The following DPP10 variants were observed in gnomAD, a reference collection of about 807,000 sequenced individuals.
The protein encoded by DPP10 is dipeptidyl peptidase like 10.
Under a neutral mutation model 120.9 loss-of-function variants are expected in DPP10, and 33 were observed. The ratio of observed to expected loss-of-function variants is 0.27; its 90% CI spans 0.21 to 0.37. The LOEUF (loss-of-function observed/expected upper bound fraction) is 0.37. DPP10 is among the 10% of genes least tolerant of loss of function. DPP10 has a pLI of 1.00. For synonymous variants in DPP10, 337 were observed against 326.1 expected (o/e 1.03, Z -0.36); for missense variants, 816 against 942.8 (o/e 0.87, Z 1.76).
intron 1 of DPP10, among the ~76,000 whole-genome samples, chr2:114,569,206 T>C (rs1411512293): frequency 4.0e-5 from 6 of 151,564 alleles, no homozygotes; most frequent in Non-Finnish European, 8.8e-5. Context: ...GTGTAGATTT[T>C]AGTTACTAAT....
At chr2:115,553,949 G>A (rs543039283) in intron 5 of DPP10, among the ~76,000 whole-genome samples, 19 of 150,694 alleles carry the variant, frequency 1.3e-4, no homozygotes, top group Non-Finnish European at 1.3e-4. Context: ...ACTGGAGAGG[G>A]CCAGATTCAG....
intron 5 of DPP10, among the ~76,000 whole-genome samples, chr2:115,643,122 C>T (rs1338715516): frequency 6.6e-6 from 1 of 150,926 alleles, no homozygotes; most frequent in Non-Finnish European, 1.5e-5. Context: ...TCAGTCTTGA[C>T]TCTAGAAATA....
At chr2:115,231,649 T>C (rs1050796554) in intron 1 of DPP10, among the ~76,000 whole-genome samples, 7 of 152,174 alleles carry the variant, frequency 4.6e-5, no homozygotes, top group Non-Finnish European at 1.0e-4. Flanking sequence ...TGGGATGCAA[T>C]GAATCTCACC....
intron 1 of DPP10, among the ~76,000 whole-genome samples, chr2:114,738,873 C>T (rs560228622): frequency 1.3e-5 from 2 of 152,240 alleles, no homozygotes; most frequent in South Asian, 2.1e-4. Flanking sequence ...CCTCTTCAGT[C>T]GTTTATTTCT....
rs553449223 is a variant in DPP10, at chr2:114,703,110, T to TA, written c.60+260275dup. ...GCATTGCCGGTGAGATTCAAATAAT[T>TA]AAAGTATATGTGAAATCACTTTCAA... On this transcript the variant is annotated intron_variant, in intron 1 of 25. Transcript: ENST00000410059. Among the ~76,000 whole-genome samples the TA allele has an allele frequency of 1.6e-3, 238 of 152,276 alleles. 1 individual carries two copies. Among genetic ancestry groups the TA allele is most frequent in the African/African-American group, 5.5e-3 (227 of 41,574 alleles).
intron 1 of DPP10, among the ~76,000 whole-genome samples, chr2:114,936,152 T>TC: frequency 6.6e-6 from 1 of 152,010 alleles, no homozygotes; most frequent in Non-Finnish European, 1.5e-5. Context: ...TCCCACCCTT[T>TC]CCCCAAGTCC....
chr2:114,455,342 C>T (rs890737599), intron 1 of DPP10, among the ~76,000 whole-genome samples: 4 of 151,990 alleles, frequency 2.6e-5, no homozygotes, highest in African/African-American at 9.7e-5. Context: ...GTCAGGAGTT[C>T]CAGACCCACC....
chr2:115,059,683 A>AG, intron 1 of DPP10, among the ~76,000 whole-genome samples: 1 of 54,776 alleles, frequency 1.8e-5, no homozygotes, highest in Non-Finnish European at 4.1e-5. Flanking sequence ...TGACCTCAAC[A>AG]GGAAAAAAAA....
chr2:115,433,961 A>T (rs1443825018), intron 3 of DPP10, among the ~76,000 whole-genome samples: 1 of 152,000 alleles, frequency 6.6e-6, no homozygotes, highest in Non-Finnish European at 1.5e-5. Flanking sequence ...AACAGTCATT[A>T]TCTATTTATC....
rs145870258 is a variant in DPP10 at position 115,798,792 on chromosome 2, G to C, written c.1700+7436G>C. ...CAACGTTTTGATTTGGAATCATTCA[G>C]TCATTTTCAGCATTGGACTTTAGCA... is the stretch of plus-strand genomic sequence containing the variant. On this transcript the variant is annotated intron_variant, in intron 19 of 25. Transcript: ENST00000410059. Among the ~76,000 whole-genome samples, 101 of 152,172 alleles carry C rather than the reference G, an allele frequency of 6.6e-4. 2 individuals carry two copies. The highest frequency in any genetic ancestry group is 2.3e-3 in the African/African-American group (95 of 41,538).
intron 1 of DPP10, among the ~76,000 whole-genome samples, chr2:115,245,590 A>G (rs1446265633): frequency 5.9e-5 from 9 of 152,188 alleles, no homozygotes; most frequent in Admixed American, 5.2e-4. Flanking sequence ...AAAAACCAGA[A>G]GTAGAATTAC....
At chr2:114,699,339 G>A (rs763776785) in intron 1 of DPP10, among the ~76,000 whole-genome samples, 5 of 151,918 alleles carry the variant, frequency 3.3e-5, no homozygotes, top group Non-Finnish European at 5.9e-5. Flanking sequence ...GAGATACCTA[G>A]CACAAGAACA....
intron 3 of DPP10, among the ~76,000 whole-genome samples, chr2:115,383,197 C>A (rs1043191990): frequency 3.3e-5 from 5 of 152,066 alleles, no homozygotes; most frequent in African/African-American, 1.2e-4. Context: ...TCTTGAATCC[C>A]CGTGTGTTGT....
intron 21 of DPP10, among the ~76,000 whole-genome samples, chr2:115,820,026 A>C (rs1007388018): frequency 1.7e-4 from 26 of 152,230 alleles, no homozygotes; most frequent in African/African-American, 6.0e-4. Flanking sequence ...ATAAGCATTT[A>C]AATTAAAAAT....
At chr2:115,836,032 C>G (rs994333781) in intron 21 of DPP10, 125 bp from the exon 22 acceptor site, 5 of 473,406 alleles carry the variant, frequency 1.1e-5, no homozygotes, top group Non-Finnish European at 1.7e-5. Context: ...ATGTACAGTA[C>G]CAAACATTGA....
intron 1 of DPP10, among the ~76,000 whole-genome samples, chr2:115,084,017 T>C (rs1045997947): frequency 6.6e-6 from 1 of 152,180 alleles, no homozygotes; most frequent in Non-Finnish European, 1.5e-5. Context: ...GGTGTCTTTG[T>C]ATGAAACATC....
chr2:115,811,806 C>T (rs543525809), intron 19 of DPP10, among the ~76,000 whole-genome samples: 66 of 152,230 alleles, frequency 4.3e-4, no homozygotes, highest in African/African-American at 1.5e-3. Context: ...TTACCTCTGA[C>T]ATAAGAGCTC....
intron 1 of DPP10, among the ~76,000 whole-genome samples, chr2:114,761,928 T>C (rs576149542): frequency 6.6e-6 from 1 of 152,278 alleles, no homozygotes; most frequent in South Asian, 2.1e-4. Context: ...TGGATATTAA[T>C]AGGAAATGCA....
chr2:114,691,220 T>C (rs1699724211), intron 1 of DPP10, among the ~76,000 whole-genome samples: 1 of 152,136 alleles, frequency 6.6e-6, no homozygotes, highest in African/African-American at 2.4e-5. Flanking sequence ...ATGGCTTTTA[T>C]TATTTTGATG....
Sources: gnomAD v4.1 joint callset for allele counts (sites outside exome capture counted in the v4.1 genomes callset) on GRCh38, gnomAD v4.1.1 for gene constraint, MANE v1.5 for transcripts, NCBI Gene and HGNC (gene_info 2026-07-23, HGNC 2026-07-21) for gene names.